The following CDH23 variants were observed in gnomAD, a reference collection of about 807,000 sequenced individuals.
CDH23 encodes cadherin-23.
Under a neutral mutation model 317.1 loss-of-function variants are expected in CDH23, and 189 were observed. The ratio of observed to expected loss-of-function variants is 0.60; its 90% confidence interval spans 0.53 to 0.67. The LOEUF is 0.67. Ranked by LOEUF, CDH23 falls within the 30% of genes least tolerant of loss-of-function variation. The pLI is 0.00. For missense variants in CDH23, 4,401 were observed against 4,592.4 expected (o/e 0.96, Z 1.20); for synonymous variants, 1,839 against 1,876.8 (o/e 0.98, Z 0.52).
chr10:71,413,658 A>G (rs1848425026), intron 1 of CDH23, among the ~76,000 whole-genome samples: 1 of 152,022 alleles, frequency 6.6e-6, no homozygotes, highest in Non-Finnish European at 1.5e-5. Flanking sequence ...TGAACATGGG[A>G]TGTCTTTTCA....
At chr10:71,462,795 A>T (rs12049750) in intron 3 of CDH23, among the ~76,000 whole-genome samples, 52,950 of 152,218 alleles carry the variant, frequency 0.35, 11,476 homozygotes, top group East Asian at 0.48. Flanking sequence ...CTGCCTGCAC[A>T]GGTGCTTTTC....
chr10:71,531,072 C>T (rs1589170394), intron 6 of CDH23, among the ~76,000 whole-genome samples: 1 of 152,216 alleles, frequency 6.6e-6, no homozygotes, highest in Non-Finnish European at 1.5e-5. Context: ...TATAGGCTTC[C>T]CTGCCATTTG....
chr10:71,423,572 C>A (rs1363970227), intron 1 of CDH23, among the ~76,000 whole-genome samples: 1 of 152,058 alleles, frequency 6.6e-6, no homozygotes, highest in Non-Finnish European at 1.5e-5. Context: ...GGGGGTGATG[C>A]ATTTGCTGGA....
chr10:71,596,531 G>A (rs530405962), intron 9 of CDH23, among the ~76,000 whole-genome samples: 61 of 152,224 alleles, frequency 4.0e-4, no homozygotes, highest in Non-Finnish European at 3.7e-4. Flanking sequence ...AGGCCATATG[G>A]TTGGTAAAGT....
chr10:71,584,542 C>CTGTGTGTGTGTGTGTG (rs138103081), intron 9 of CDH23, among the ~76,000 whole-genome samples: 11,148 of 145,610 alleles, frequency 0.077, 558 homozygotes, highest in Non-Finnish European at 0.1. Context: ...GAAGGGAAGT[C>CTGTGTGTGTGTGTGTG]TGTGTGTGTG....
intron 36 of CDH23, among the ~76,000 whole-genome samples, chr10:71,740,394 T>C (rs1839701529): frequency 6.6e-6 from 1 of 152,190 alleles, no homozygotes; most frequent in Admixed American, 6.5e-5. Flanking sequence ...TGAGGCTCTT[T>C]TCCCGTTTGC....
At chr10:71,770,276 C>T (rs1309144974) in intron 38 of CDH23, among the ~76,000 whole-genome samples, 3 of 152,214 alleles carry the variant, frequency 2.0e-5, no homozygotes, top group Admixed American at 1.3e-4. Flanking sequence ...TCACAGTTGC[C>T]CTCCAAGGGA....
At chr10:71,732,824 C>A in intron 32 of CDH23, 1 of 496,230 alleles carries the variant, frequency 2.0e-6, no homozygotes, top group Non-Finnish European at 2.7e-6. Context: ...CCATTATCGG[C>A]AACCAATTAT....
At chr10:71,479,862 G>A (rs892678997) in intron 3 of CDH23, among the ~76,000 whole-genome samples, 3 of 152,148 alleles carry the variant, frequency 2.0e-5, no homozygotes, top group Non-Finnish European at 2.9e-5. Flanking sequence ...TTAGGGGCTC[G>A]GGGAGCCATA....
At chr10:71,706,199 G>A (rs1865781580) in intron 25 of CDH23, among the ~76,000 whole-genome samples, 2 of 152,208 alleles carry the variant, frequency 1.3e-5, no homozygotes, top group Non-Finnish European at 2.9e-5. Flanking sequence ...CGCTATGAAG[G>A]TTGTCCAAGC....
intron 14 of CDH23, among the ~76,000 whole-genome samples, chr10:71,650,609 TG>T (rs1279999424): frequency 6.6e-6 from 1 of 152,232 alleles, no homozygotes; most frequent in Admixed American, 6.5e-5. Context: ...CATTTGGGGA[TG>T]TGCGTACACT....
chr10:71,587,022 A>G (rs1859117485), intron 9 of CDH23, among the ~76,000 whole-genome samples: 2 of 152,170 alleles, frequency 1.3e-5, no homozygotes, highest in South Asian at 4.1e-4. Context: ...CTCTCTCTGG[A>G]TGTGTGCAAG....
intron 11 of CDH23, among the ~76,000 whole-genome samples, chr10:71,622,747 C>T (rs1861529740): frequency 6.6e-6 from 1 of 152,204 alleles, no homozygotes; most frequent in African/African-American, 2.4e-5. Context: ...TTTCCTCTGC[C>T]TCACTCCTGA....
intron 55 of CDH23, among the ~76,000 whole-genome samples, chr10:71,805,123 C>T (rs1001355430): frequency 3.9e-5 from 6 of 152,170 alleles, no homozygotes; most frequent in Non-Finnish European, 7.3e-5. Context: ...AGCAAAGAAA[C>T]GTGCCCTTTC....
intron 9 of CDH23, among the ~76,000 whole-genome samples, chr10:71,597,680 G>A (rs1859951219): frequency 6.6e-6 from 1 of 152,088 alleles, no homozygotes; most frequent in African/African-American, 2.4e-5. Flanking sequence ...AGTTGCTTCT[G>A]GTCTATTGGC....
chr10:71,759,166 T>A (rs1840228158), intron 38 of CDH23, among the ~76,000 whole-genome samples: 2 of 151,858 alleles, frequency 1.3e-5, no homozygotes, highest in African/African-American at 4.8e-5. Flanking sequence ...GCCTCTTGAG[T>A]AGCTGGGACT....
chr10:71,734,530 G>A, intron 33 of CDH23, 126 bp from the exon 34 acceptor site: 2 of 1,603,922 alleles, frequency 1.2e-6, no homozygotes, highest in Non-Finnish European at 1.7e-6. Context: ...TGAGACCTCA[G>A]GCAGGTGGAG....
intron 67 of CDH23, 31 bp downstream of exon 67, chr10:71,812,640 G>A (rs1261756518): frequency 6.2e-7 from 1 of 1,613,754 alleles, no homozygotes; most frequent in Non-Finnish European, 8.5e-7. Context: ...CATCACAAGG[G>A]GCAGGGGTGG....
intron 9 of CDH23, among the ~76,000 whole-genome samples, chr10:71,579,971 G>T (rs1858510049): frequency 6.6e-6 from 1 of 152,176 alleles, no homozygotes; most frequent in Non-Finnish European, 1.5e-5. Flanking sequence ...GCTGGTTCCA[G>T]ATATACCCCA....
Sources: allele counts gnomAD v4.1 joint callset (sites outside exome capture counted in the v4.1 genomes callset), GRCh38; gene constraint gnomAD v4.1.1; transcripts MANE v1.5; gene names NCBI Gene and HGNC (gene_info 2026-07-23, HGNC 2026-07-21).